Variants in TGFB2 observed in about 807,000 individuals in gnomAD.
TGFB2 encodes the protein transforming growth factor beta-2 proprotein.
Under a neutral mutation model 42.7 loss-of-function variants are expected in TGFB2, and 13 were observed. The ratio of observed to expected loss-of-function variants is 0.30; its 90% CI spans 0.20 to 0.48. The LOEUF (loss-of-function observed/expected upper bound fraction) is 0.48. Among genes scored for constraint, TGFB2 ranks in the 20% least tolerant of loss-of-function variants. The pLI, the probability that TGFB2 is intolerant of heterozygous loss-of-function variation, is 0.99. For synonymous variants in TGFB2, 193 were observed against 193.6 expected, an observed-to-expected ratio of 1.00 and a Z score of 0.03; for missense variants, 390 against 517.5, an observed-to-expected ratio of 0.75 and a Z score of 2.39.
intron 2 of TGFB2, among the ~76,000 whole-genome samples, chr1:218,430,865 A>G (rs1045990664): frequency 7.2e-5 from 11 of 152,226 alleles, no homozygotes; most frequent in African/African-American, 2.2e-4. Flanking sequence ...ACACCTTTAA[A>G]TATGGTCTAA....
chr1:218,368,579 A>G (rs1047242420), intron 1 of TGFB2, among the ~76,000 whole-genome samples: 2 of 152,248 alleles, frequency 1.3e-5, no homozygotes, highest in African/African-American at 2.4e-5. Flanking sequence ...ATGAAATAAG[A>G]ATTTAGAATT....
chr1:218,407,485 C>T (rs1558249647), intron 2 of TGFB2, among the ~76,000 whole-genome samples: 1 of 152,144 alleles, frequency 6.6e-6, no homozygotes, highest in Non-Finnish European at 1.5e-5. Flanking sequence ...TCCTAACTGG[C>T]ATTCTGGGTA....
At position 218,377,244 on chromosome 1, in the gene TGFB2, A is replaced by C. The variant is rs182591651; in HGVS notation, c.347-27925A>C. Among the ~76,000 whole-genome samples, 5 of 152,326 alleles carry C rather than the reference A, an allele frequency of 3.3e-5. No individual in the cohort carries two copies. The East Asian group carries it at 9.6e-4, about 29-fold the overall frequency. ...TGCCTAGAACAACGTGTATTTCTTA[A>C]GTGCTTAGCCACAGCCTTAAAGTGA... On this transcript the variant is annotated intron_variant, in intron 1 of 6. Coordinates refer to ENST00000366930, the MANE Select transcript of TGFB2 (RefSeq NM_003238.6).
In TGFB2 at chr1:218,435,917, A is replaced by G. The variant is rs1425782666; in HGVS notation, c.755-53A>G. 5.2e-6 allele frequency: 8 copies of G among 1,533,532 alleles called. No homozygotes were observed. In the Admixed American group the frequency reaches 8.1e-5, roughly 15 times the overall value. 95.0% of individuals were successfully genotyped at this position (1,533,532 alleles called of 1,614,324 possible). Reference sequence around the variant, plus strand: ...ACAAAGGAAAAAAATATGGCTGACTATATTTGATGAAGGTGAAGCTAAATG... The same window carrying G: ...ACAAAGGAAAAAAATATGGCTGACTGTATTTGATGAAGGTGAAGCTAAATG... On this transcript the variant is annotated intron_variant, in intron 4 of 6. Coordinates refer to ENST00000366930, the MANE Select transcript of TGFB2 (RefSeq NM_003238.6).
At chr1:218,404,509 A>T (rs889474535) in intron 1 of TGFB2, among the ~76,000 whole-genome samples, 6 of 152,208 alleles carry the variant, frequency 3.9e-5, no homozygotes, top group African/African-American at 1.2e-4. Flanking sequence ...CTTTTTCTTC[A>T]TTAGCTAGGA....
intron 1 of TGFB2, among the ~76,000 whole-genome samples, chr1:218,347,361 T>C (rs1426116321): frequency 6.6e-6 from 1 of 152,212 alleles, no homozygotes; most frequent in Non-Finnish European, 1.5e-5. Flanking sequence ...AGCCCCACTC[T>C]GTCAAACTAG....
In TGFB2 at chr1:218,441,450, CATAAG is replaced by C. The variant is rs1660149687; in HGVS notation, c.*90_*94del. 1 of 1,398,880 alleles carries C rather than the reference CATAAG, an allele frequency of 7.1e-7. No homozygotes were observed. The highest frequency in any genetic ancestry group is 2.6e-5 in the Admixed American group (1 of 38,104). The allele number at this position is 1,398,880 out of a possible 1,614,324, so 86.7% of individuals were successfully genotyped here. A position where few individuals can be genotyped will look rare whatever the true frequency, so the allele number is the denominator to read the frequency against. Reference sequence around the variant, plus strand: ...AACGATGATGCTTGTAACAAGAAAACATAAGAGAGCCTTGGTTCATCAGTGTTAAA... The same window carrying C: ...AACGATGATGCTTGTAACAAGAAAACAGAGCCTTGGTTCATCAGTGTTAAA... On this transcript the variant is annotated 3_prime_UTR_variant, in exon 7 of 7. Coordinates refer to ENST00000366930, the MANE Select transcript of TGFB2 (RefSeq NM_003238.6).
At chr1:218,399,889 AT>A (rs1488797401) in intron 1 of TGFB2, among the ~76,000 whole-genome samples, 3 of 152,108 alleles carry the variant, frequency 2.0e-5, no homozygotes, top group Admixed American at 6.5e-5. Context: ...CTGTGTGGAA[AT>A]TTGTGCTAGA....
rs1660147792 is a variant in TGFB2, at chr1:218,441,411, A to G, written c.*49A>G. On this transcript the variant is annotated 3_prime_UTR_variant, in exon 7 of 7. Transcript: ENST00000366930. ...CAAAATGACAATGATGATGATAATG[A>G]TGATGACGACGACAACGATGATGCT... The G allele has an allele frequency of 1.0e-5, 16 of 1,555,086 alleles. No individual in the cohort carries two copies. Among genetic ancestry groups the G allele is most frequent in the Non-Finnish European group, 1.4e-5 (16 of 1,151,872 alleles).
At chr1:218,381,490 G>T (rs57618228) in intron 1 of TGFB2, among the ~76,000 whole-genome samples, 28,087 of 151,826 alleles carry the variant, frequency 0.18, 2,848 homozygotes, top group East Asian at 0.34. Flanking sequence ...TCCTGACCTC[G>T]TGATCCACCC....
At chr1:218,405,091 G>C in intron 1 of TGFB2, 78 bp from the exon 2 acceptor site, 1 of 1,447,866 alleles carries the variant, frequency 6.9e-7, no homozygotes, top group Non-Finnish European at 9.3e-7. Context: ...TGGTTTCTTG[G>C]GATTATCTCA....
chr1:218,379,113 A>C (rs2799085), intron 1 of TGFB2, among the ~76,000 whole-genome samples: 88,721 of 146,474 alleles, frequency 0.61, 27,244 homozygotes, highest in African/African-American at 0.62. Context: ...CACATGGTAC[A>C]TTTTCTTTCT....
chr1:218,373,036 G>C (rs559130635), intron 1 of TGFB2, among the ~76,000 whole-genome samples: 1 of 151,864 alleles, frequency 6.6e-6, no homozygotes, highest in African/African-American at 2.4e-5. Context: ...AAATTAGCTA[G>C]GAGTGGTGGC....
intron 2 of TGFB2, among the ~76,000 whole-genome samples, chr1:218,405,777 G>C (rs114856774): frequency 3.3e-4 from 50 of 152,254 alleles, no homozygotes; most frequent in African/African-American, 1.2e-3. Context: ...TCACAATCGT[G>C]ATATAGGCCC....
At chr1:218,379,536 T>C (rs756851293) in intron 1 of TGFB2, among the ~76,000 whole-genome samples, 30 of 151,038 alleles carry the variant, frequency 2.0e-4, no homozygotes, top group Non-Finnish European at 2.7e-4. Context: ...TTCTTTAATT[T>C]GATGCTGTCT....
intron 2 of TGFB2, among the ~76,000 whole-genome samples, chr1:218,417,403 G>A (rs1244470681): frequency 1.3e-5 from 2 of 152,208 alleles, no homozygotes; most frequent in African/African-American, 4.8e-5. Context: ...AGGGTATCTG[G>A]TGAAAGAAAC....
rs1656627871 is a variant in TGFB2 at position 218,345,445 on chromosome 1, A to C, written c.-1257A>C. 6.5e-6 allele frequency: 1 copy of C among 152,888 alleles called. No homozygotes were observed. The highest frequency in any genetic ancestry group is 6.5e-5 in the Admixed American group (1 of 15,286). 9.5% of individuals were successfully genotyped at this position (152,888 alleles called of 1,614,324 possible). On this transcript the variant is annotated 5_prime_UTR_variant, in exon 1 of 7. Transcript: ENST00000366930. ...TAGAAAGAGAAAGAGAGAAAGAGAC[A>C]GCAGAGCGAGAGCGCAAGTGAAAGA...
In TGFB2 at chr1:218,372,696, T is replaced by C. The variant is rs1017984581; in HGVS notation, c.346+25649T>C. Among the ~76,000 whole-genome samples the C allele has an allele frequency of 3.9e-5, 6 of 152,214 alleles. No homozygotes were observed. In the East Asian group the frequency reaches 5.8e-4, roughly 15 times the overall value. On this transcript the variant is annotated intron_variant, in intron 1 of 6. Transcript: ENST00000366930. ...GATATCCAAGCACTTAGGTTCTTTG[T>C]TGGGAGCTTTGACAGTCAAGGCTGA...
chr1:218,361,618 C>T (rs1171439004), intron 1 of TGFB2, among the ~76,000 whole-genome samples: 4 of 152,206 alleles, frequency 2.6e-5, no homozygotes, highest in African/African-American at 9.7e-5. Context: ...AACCAAGTGA[C>T]TTACTCTGCA....
Sources: allele counts gnomAD v4.1 joint callset (sites outside exome capture counted in the v4.1 genomes callset), GRCh38; gene constraint gnomAD v4.1.1; transcripts MANE v1.5; gene names NCBI Gene and HGNC (gene_info 2026-07-23, HGNC 2026-07-21).